The following DIAPH1 variants were observed in gnomAD, a reference collection of about 807,000 sequenced individuals.
The protein encoded by DIAPH1 is diaphanous related formin 1.
In DIAPH1, 46 loss-of-function variants were observed where a neutral mutation model predicts 140.7. The observed-to-expected ratio is 0.33, with a 90% CI of 0.26 to 0.42. The LOEUF (loss-of-function observed/expected upper bound fraction) is 0.42. Ranked by LOEUF, DIAPH1 falls within the 10% of genes least tolerant of loss-of-function variation. DIAPH1 has a pLI of 1.00. For missense variants in DIAPH1, 1,310 were observed against 1,558.7 expected (o/e 0.84, Z 2.69); for synonymous variants, 565 against 551.6 (o/e 1.02, Z -0.34).
intron 18 of DIAPH1, among the ~76,000 whole-genome samples, chr5:141,567,036 A>T (rs1405943641): frequency 6.6e-6 from 1 of 152,228 alleles, no homozygotes; most frequent in African/African-American, 2.4e-5. Context: ...TCCAGAGGGT[A>T]CAGTGGACCA....
At chr5:141,529,454 A>T (rs1431672758) in intron 20 of DIAPH1, 149 bp downstream of exon 20, 1 of 898,344 alleles carries the variant, frequency 1.1e-6, no homozygotes, top group Non-Finnish European at 1.8e-6. Context: ...ACCAGAAGTA[A>T]TCTGACCACC....
rs2099895164 is a variant in DIAPH1, at chr5:141,571,411, C to T, written c.2482+17G>A. 3 of 1,600,728 alleles carry T rather than the reference C, an allele frequency of 1.9e-6. No individual in the cohort carries two copies. In the African/African-American group the frequency reaches 4.0e-5, roughly 22 times the overall value. On this transcript the variant is annotated intron_variant, in intron 18 of 27. Transcript: ENST00000389054. ...ATATTCAAGAGACCAAACTAAAAGG[C>T]TCTTTTGTATTCTTACCTTTGGAAG... is the stretch of plus-strand genomic sequence containing the variant.
chr5:141,548,964 G>A (rs1188902900), intron 18 of DIAPH1, among the ~76,000 whole-genome samples: 1 of 152,074 alleles, frequency 6.6e-6, no homozygotes, highest in Non-Finnish European at 1.5e-5. Flanking sequence ...TAACGACAGG[G>A]GAAATGTGAA....
chr5:141,572,478 C>T (rs1362007459), intron 16 of DIAPH1, among the ~76,000 whole-genome samples: 1 of 152,164 alleles, frequency 6.6e-6, no homozygotes, highest in African/African-American at 2.4e-5. Context: ...ATCTCAAACA[C>T]ATCATGGGAA....
At chr5:141,526,717 A>G (rs1409007057) in intron 24 of DIAPH1, among the ~76,000 whole-genome samples, 1 of 151,208 alleles carries the variant, frequency 6.6e-6, no homozygotes, top group African/African-American at 2.5e-5. Flanking sequence ...TGTTTGTTTG[A>G]GACAGGGTTT....
rs1385877458 is a variant in DIAPH1, at chr5:141,600,958, T to A, written c.118-12708A>T. On this transcript the variant is annotated intron_variant, in intron 1 of 27. Coordinates refer to ENST00000389054, the MANE Select transcript of DIAPH1 (RefSeq NM_005219.5). ...TGGATGAAGCTGGAAACCATCATTC[T>A]GAGCAAACTATTGCAAGGACAGAAA... Among the ~76,000 whole-genome samples the A allele has an allele frequency of 2.0e-5, 3 of 152,168 alleles. No individual in the cohort carries two copies. The East Asian group carries it at 5.8e-4, about 29-fold the overall frequency.
At chr5:141,566,930 C>CAAAAT (rs60984357) in intron 18 of DIAPH1, among the ~76,000 whole-genome samples, 2 of 150,524 alleles carry the variant, frequency 1.3e-5, no homozygotes, top group South Asian at 4.2e-4. Context: ...CAAAACAAAA[C>CAAAAT]CACATAAGCA....
chr5:141,522,504 T>C (rs2154594889), intron 27 of DIAPH1, among the ~76,000 whole-genome samples: 1 of 147,294 alleles, frequency 6.8e-6, no homozygotes, highest in South Asian at 2.1e-4. Flanking sequence ...GGGATTCTAG[T>C]ATAGTTCCAC....
chr5:141,567,766 G>T (rs1019407441), intron 18 of DIAPH1, among the ~76,000 whole-genome samples: 1 of 152,134 alleles, frequency 6.6e-6, no homozygotes, highest in Non-Finnish European at 1.5e-5. Flanking sequence ...TTTGGGAAAG[G>T]GGCTCCTGCT....
chr5:141,579,019 G>C, intron 9 of DIAPH1, 69 bp downstream of exon 9: 1 of 1,173,424 alleles, frequency 8.5e-7, no homozygotes, highest in Non-Finnish European at 1.3e-6. Flanking sequence ...TTTATTAAAA[G>C]GTCAAATGAA....
chr5:141,536,834 A>C (rs2099889097), intron 18 of DIAPH1, among the ~76,000 whole-genome samples: 1 of 152,204 alleles, frequency 6.6e-6, no homozygotes, highest in Non-Finnish European at 1.5e-5. Flanking sequence ...AATGAAGGGA[A>C]GAGCAGGAGA....
At chr5:141,578,841 T>C (rs2099896338) in intron 9 of DIAPH1, among the ~76,000 whole-genome samples, 1 of 152,202 alleles carries the variant, frequency 6.6e-6, no homozygotes, top group African/African-American at 2.4e-5. Context: ...GAGTATATGT[T>C]ATTGTAGGTC....
chr5:141,589,503 C>G (rs563455799), intron 1 of DIAPH1, among the ~76,000 whole-genome samples: 1 of 152,108 alleles, frequency 6.6e-6, no homozygotes, highest in Non-Finnish European at 1.5e-5. Context: ...AATGAACTTA[C>G]AGCTATTCAT....
At chr5:141,521,925 T>C (rs1243900955) in intron 27 of DIAPH1, among the ~76,000 whole-genome samples, 1 of 152,212 alleles carries the variant, frequency 6.6e-6, no homozygotes, top group Non-Finnish European at 1.5e-5. Context: ...CCAACTCTCA[T>C]TTTATACCTG....
At chr5:141,560,925 G>C (rs1466620234) in intron 18 of DIAPH1, 12 of 455,742 alleles carry the variant, frequency 2.6e-5, no homozygotes, top group South Asian at 1.9e-4. Context: ...CCAGGAAAGG[G>C]TGGGGAAAGA....
Position 141,579,417 on chromosome 5 carries a change from T to C in DIAPH1, c.825-221A>G, listed in dbSNP as rs146220673. On this transcript the variant is annotated intron_variant, in intron 8 of 27. Coordinates refer to ENST00000389054, the MANE Select transcript of DIAPH1 (RefSeq NM_005219.5). ...CATTCCCTACAATCCATCCCTAGGC[T>C]CCTGTCCATAAATACCAAATCAAGT... Among the ~76,000 whole-genome samples, 1,154 of 152,300 alleles carry C rather than the reference T, an allele frequency of 7.6e-3. 19 individuals carry two copies. Among genetic ancestry groups the C allele is most frequent in the African/African-American group, 0.026 (1,096 of 41,556 alleles).
chr5:141,547,396 C>T (rs1447451128), intron 18 of DIAPH1, among the ~76,000 whole-genome samples: 9 of 151,974 alleles, frequency 5.9e-5, no homozygotes, highest in Admixed American at 3.3e-4. Flanking sequence ...ACCCAGGAGA[C>T]GGAGCTTGCA....
chr5:141,562,756 G>A (rs2099893790), intron 18 of DIAPH1, among the ~76,000 whole-genome samples: 1 of 152,168 alleles, frequency 6.6e-6, no homozygotes, highest in African/African-American at 2.4e-5. Context: ...TTCAGCATCA[G>A]CAGCAAAGTC....
Position 141,573,703 on chromosome 5 carries a change from G to C in DIAPH1, c.2147C>G (p.Pro716Arg). Residue 716 changes from proline to arginine, a missense_variant, in exon 16 of 28, where the codon CCT becomes CGT. By Grantham distance (103) the Pro-to-Arg change is moderately radical. Transcript: ENST00000389054. ...AGGACCACCAGGAAGAGGGGGAGGA[G>C]GAGGTGGCATTCCTGCTTCTCCAGG... is the stretch of plus-strand genomic sequence containing the variant. ...PLPGEAGMPP[P>R]PPPLPGGPGI... is the part of the protein sequence containing the mutation. 6.3e-7 allele frequency: 1 copy of C among 1,599,928 alleles called. No homozygotes were observed. The highest frequency in any genetic ancestry group is 8.5e-7 in the Non-Finnish European group (1 of 1,170,856).
Sources: gnomAD v4.1 joint callset for allele counts (sites outside exome capture counted in the v4.1 genomes callset) on GRCh38, gnomAD v4.1.1 for gene constraint, MANE v1.5 for transcripts, NCBI Gene and HGNC (gene_info 2026-07-23, HGNC 2026-07-21) for gene names.